Variants in DPP6 observed in about 807,000 individuals in gnomAD.
DPP6 encodes the protein A-type potassium channel modulatory protein DPP6.
In DPP6, 69 loss-of-function variants were observed where a neutral mutation model predicts 122.6. The observed-to-expected ratio is 0.56, with a 90% CI of 0.46 to 0.69. The LOEUF (loss-of-function observed/expected upper bound fraction) is 0.69, where lower values mean the gene tolerates loss of function less well. Among genes scored for constraint, DPP6 ranks in the 30% least tolerant of loss-of-function variants. The pLI is 0.00. For missense variants in DPP6, 928 were observed against 1,116.9 expected (o/e 0.83, Z 2.41); for synonymous variants, 418 against 433.1 (o/e 0.97, Z 0.43).
intron 4 of DPP6, among the ~76,000 whole-genome samples, chr7:154,558,588 G>A (rs115429109): frequency 0.025 from 3,831 of 152,134 alleles, 64 homozygotes; most frequent in African/African-American, 0.041. Context: ...GATATTTTTA[G>A]ATATACAAAA....
At chr7:153,754,665 T>C in the DPP6 span, among the ~76,000 whole-genome samples, 1 of 152,178 alleles carries the variant, frequency 6.6e-6, no homozygotes, top group African/African-American at 2.4e-5. Flanking sequence ...CAATTATGTA[T>C]GTTTTATACA....
chr7:154,268,519 A>G (rs1368103535), intron 1 of DPP6, among the ~76,000 whole-genome samples: 1 of 152,168 alleles, frequency 6.6e-6, no homozygotes, highest in African/African-American at 2.4e-5. Flanking sequence ...TCATGACCTA[A>G]CCCCTTCCGG....
intron 1 of DPP6, among the ~76,000 whole-genome samples, chr7:154,308,439 A>G (rs1031450023): frequency 1.3e-5 from 2 of 152,154 alleles, no homozygotes; most frequent in South Asian, 2.1e-4. Context: ...CTCTTTGGAG[A>G]TGCTAAAGTT....
chr7:154,752,521 A>T (rs960857060), intron 8 of DPP6, among the ~76,000 whole-genome samples: 4 of 152,278 alleles, frequency 2.6e-5, no homozygotes, highest in Non-Finnish European at 5.9e-5. Flanking sequence ...GAATCTGCAC[A>T]CTGGAAGAAC....
intron 5 of DPP6, among the ~76,000 whole-genome samples, chr7:154,631,629 T>G (rs1835414175): frequency 6.6e-6 from 1 of 150,404 alleles, no homozygotes; most frequent in African/African-American, 2.5e-5. Context: ...ATTGCACCAC[T>G]GCACTCCAGC....
At chr7:153,960,131 T>C (rs1795271486) in intron 1 of DPP6, among the ~76,000 whole-genome samples, 1 of 152,142 alleles carries the variant, frequency 6.6e-6, no homozygotes, top group Non-Finnish European at 1.5e-5. Context: ...CACTTAGATA[T>C]CTGATATCAT....
At chr7:154,137,641 T>TGGG (rs1221969502) in intron 1 of DPP6, among the ~76,000 whole-genome samples, 15 of 27,234 alleles carry the variant, frequency 5.5e-4, no homozygotes, top group East Asian at 1.2e-3. Context: ...GAGGAGATGG[T>TGGG]GGGGGGGGTG....
At chr7:153,814,595 C>G in the DPP6 span, among the ~76,000 whole-genome samples, 7 of 152,166 alleles carry the variant, frequency 4.6e-5, no homozygotes, top group Admixed American at 2.0e-4. Context: ...GGAATCCTCC[C>G]TAATTCATTT....
At chr7:154,552,708 T>C (rs1829724021) in intron 4 of DPP6, among the ~76,000 whole-genome samples, 1 of 152,164 alleles carries the variant, frequency 6.6e-6, no homozygotes. Context: ...GTCAGGAGTG[T>C]TCTAGAGTCT....
At chr7:154,515,538 C>T (rs368578874) in intron 3 of DPP6, among the ~76,000 whole-genome samples, 7 of 152,042 alleles carry the variant, frequency 4.6e-5, no homozygotes, top group Admixed American at 3.3e-4. Context: ...TGCAGTGGTG[C>T]GCTCTCGGCT....
chr7:154,745,135 T>C (rs1012384357), intron 8 of DPP6, among the ~76,000 whole-genome samples: 2 of 152,078 alleles, frequency 1.3e-5, no homozygotes, highest in East Asian at 3.9e-4. Flanking sequence ...AGCAGTGTAG[T>C]GGAAGGAGCA....
intron 1 of DPP6, among the ~76,000 whole-genome samples, chr7:154,365,855 GGCTGAA>G (rs1382162841): frequency 6.6e-6 from 1 of 151,970 alleles, no homozygotes; most frequent in Non-Finnish European, 1.5e-5. Flanking sequence ...CTACTCGGGA[GGCTGAA>G]GCAGGAGAAT....
rs528111158 is a variant in DPP6 at position 154,507,759 on chromosome 7, G to A, written c.457+32722G>A. ...CAGCCAATCTGTGTCTGAATGTATC[G>A]ATCAAGTAATAATAGTTCAGTGCTC... On this transcript the variant is annotated intron_variant, in intron 3 of 25. Coordinates refer to ENST00000377770, the MANE Select transcript of DPP6 (RefSeq NM_130797.4). Among the ~76,000 whole-genome samples the A allele has an allele frequency of 5.3e-5, 8 of 152,260 alleles. 1 individual carries two copies. The highest frequency in any genetic ancestry group is 4.8e-5 in the African/African-American group (2 of 41,564).
chr7:154,245,635 C>CAAAAAAAAAAAAAAAAAAAAAAAAA lies in DPP6; in HGVS notation c.243+192589_243+192590insAAAAAAAAAAAAAAAAAAAAAAAAA, dbSNP rs71182888. ...CTGGGCAACAAGAGTAAGACTGTCT[C>CAAAAAAAAAAAAAAAAAAAAAAAAA]AAAAAAAAAAAAAAAAAGCTATGGC... is the stretch of plus-strand genomic sequence containing the variant. On this transcript the variant is annotated intron_variant, in intron 1 of 25. Transcript: ENST00000377770. Among the ~76,000 whole-genome samples, 36 of 100,638 alleles carry CAAAAAAAAAAAAAAAAAAAAAAAAA rather than the reference C, an allele frequency of 3.6e-4. 1 individual carries two copies. Among genetic ancestry groups the CAAAAAAAAAAAAAAAAAAAAAAAAA allele is most frequent in the African/African-American group, 1.2e-3 (30 of 24,858 alleles). 66.0% of individuals were successfully genotyped at this position (100,638 alleles called of 152,430 possible). A position where few individuals can be genotyped will look rare whatever the true frequency, so the allele number is the denominator to read the frequency against.
At chr7:153,962,032 C>T (rs1795380259) in intron 1 of DPP6, among the ~76,000 whole-genome samples, 3 of 148,608 alleles carry the variant, frequency 2.0e-5, no homozygotes. Flanking sequence ...GACTACACTG[C>T]AGAGGAGAGC....
intron 1 of DPP6, among the ~76,000 whole-genome samples, chr7:154,232,993 G>A (rs1351161569): frequency 5.3e-5 from 8 of 152,180 alleles, no homozygotes; most frequent in East Asian, 1.9e-4. Flanking sequence ...TTTCCTGCTC[G>A]TGTCAAAAAT....
chr7:154,884,001 C>G (rs1270292571), intron 21 of DPP6: 1 of 129,316 alleles, frequency 7.7e-6, no homozygotes, highest in Non-Finnish European at 1.6e-5. Flanking sequence ...CATACACATG[C>G]TCACCCACAC....
rs1291523507 is a variant in DPP6, at chr7:154,241,246, C to G, written c.243+188183C>G. On this transcript the variant is annotated intron_variant, in intron 1 of 25. Transcript: ENST00000377770. The surrounding 1 kb of genome is among the most constrained non-coding windows in gnomAD (Gnocchi z 9.0). Reference sequence around the variant, plus strand: ...ATATATATATAGAGAGAGAGAGAGACACTTTTATCCATTTAGGAAGACAAA... The same window carrying G: ...ATATATATATAGAGAGAGAGAGAGAGACTTTTATCCATTTAGGAAGACAAA... Among the ~76,000 whole-genome samples the G allele has an allele frequency of 2.1e-5, 3 of 145,458 alleles. No individual in the cohort carries two copies. Among genetic ancestry groups the G allele is most frequent in the East Asian group, 2.0e-4 (1 of 5,072 alleles).
At chr7:154,441,081 T>C (rs940670041) in intron 1 of DPP6, among the ~76,000 whole-genome samples, 6 of 152,206 alleles carry the variant, frequency 3.9e-5, no homozygotes, top group Non-Finnish European at 8.8e-5. Flanking sequence ...ACAGTGGTTA[T>C]TGGCTGCTTG....
Sources: gnomAD v4.1 joint callset for allele counts (sites outside exome capture counted in the v4.1 genomes callset) on GRCh38, gnomAD v4.1.1 for gene constraint, Gnocchi (gnomAD v3.1) non-coding constraint, MANE v1.5 for transcripts, NCBI Gene and HGNC (gene_info 2026-07-23, HGNC 2026-07-21) for gene names.